DNAH14: variants seen among roughly 807,000 people sequenced by gnomAD.
DNAH14 encodes the protein axonemal beta dynein heavy chain 14.
Under a neutral mutation model 520.9 loss-of-function variants are expected in DNAH14, and 478 were observed. The ratio of observed to expected loss-of-function variants is 0.92; its 90% CI spans 0.85 to 0.99. DNAH14 has a LOEUF of 0.99. Ranked by LOEUF, DNAH14 falls within the 50% of genes least tolerant of loss-of-function variation. DNAH14 has a pLI of 0.00. For missense variants in DNAH14, 4,831 were observed against 5,234.5 expected (o/e 0.92, Z 2.38); for synonymous variants, 1,581 against 1,757.2 (o/e 0.90, Z 2.51).
At chr1:225,140,217 C>A (rs1039441937) in intron 27 of DNAH14, among the ~76,000 whole-genome samples, 3 of 152,068 alleles carry the variant, frequency 2.0e-5, no homozygotes, top group African/African-American at 7.2e-5. Context: ...CACAATTTAC[C>A]CAATGTAAAG....
intron 73 of DNAH14, chr1:225,357,844 T>C (rs1358963997): frequency 1.4e-6 from 1 of 701,956 alleles, no homozygotes; most frequent in Non-Finnish European, 2.6e-6. Context: ...GGACATATTT[T>C]ATGGTCATTG....
chr1:225,010,776 T>C (rs2064653565), intron 10 of DNAH14, among the ~76,000 whole-genome samples: 1 of 152,190 alleles, frequency 6.6e-6, no homozygotes, highest in African/African-American at 2.4e-5. Context: ...TTTCAGAACT[T>C]GTTATTGGTC....
chr1:225,014,292 C>T (rs1388739225), intron 10 of DNAH14, among the ~76,000 whole-genome samples: 1 of 152,156 alleles, frequency 6.6e-6, no homozygotes, highest in Non-Finnish European at 1.5e-5. Flanking sequence ...CACCCACTGT[C>T]TAACCAGTCC....
At chr1:225,162,162 TC>T (rs1176798042) in intron 35 of DNAH14, among the ~76,000 whole-genome samples, 10 of 152,210 alleles carry the variant, frequency 6.6e-5, no homozygotes, top group Non-Finnish European at 1.5e-5. Flanking sequence ...AAGCCTTTAA[TC>T]CATTTTTATT....
chr1:225,355,959 C>T (rs542351885), intron 73 of DNAH14, among the ~76,000 whole-genome samples: 2 of 152,288 alleles, frequency 1.3e-5, no homozygotes, highest in African/African-American at 2.4e-5. Flanking sequence ...TCCCATCATG[C>T]TTATGTCTGG....
intron 27 of DNAH14, among the ~76,000 whole-genome samples, chr1:225,128,965 A>C (rs948964200): frequency 6.6e-6 from 1 of 152,014 alleles, no homozygotes; most frequent in Admixed American, 6.5e-5. Context: ...CAACTTCAGC[A>C]AAGTCTCAGG....
In DNAH14 at chr1:225,270,879, G is replaced by A. The variant is rs1184246152; in HGVS notation, c.7671+13G>A. On this transcript the variant is annotated intron_variant, in intron 50 of 85. Transcript: ENST00000682510. ...TACTATTTTCCAGGTAACACATCTA[G>A]TTCATTTTCTACTGAAAAAAATTAA... 2 of 1,545,246 alleles carry A rather than the reference G, an allele frequency of 1.3e-6. No homozygotes were observed. Among genetic ancestry groups the A allele is most frequent in the Admixed American group, 2.0e-5 (1 of 50,408 alleles).
In DNAH14 at chr1:225,270,922, A is replaced by G. The variant is rs138354789; in HGVS notation, c.7671+56A>G. On this transcript the variant is annotated intron_variant, in intron 50 of 85. Transcript: ENST00000682510. ...AAAATTAATTCCCTAGAATAAGGAA[A>G]AATACGAGAACTTAAATCCACTAAT... 8.3e-4 allele frequency: 1,229 copies of G among 1,479,828 alleles called. 9 individuals are homozygous for G. In the African/African-American group the frequency reaches 0.016, roughly 19 times the overall value. The allele number at this position is 1,479,828 out of a possible 1,614,324, so 91.7% of individuals were successfully genotyped here. A position where few individuals can be genotyped will look rare whatever the true frequency, so the allele number is the denominator to read the frequency against.
At chr1:225,068,786 C>G (rs2071211961) in intron 17 of DNAH14, among the ~76,000 whole-genome samples, 1 of 152,058 alleles carries the variant, frequency 6.6e-6, no homozygotes, top group Non-Finnish European at 1.5e-5. Flanking sequence ...GTTATTTTTG[C>G]ACGTTGATTT....
chr1:225,161,911 A>G (rs1195371040), intron 35 of DNAH14, among the ~76,000 whole-genome samples: 2 of 152,164 alleles, frequency 1.3e-5, no homozygotes, highest in South Asian at 2.1e-4. Flanking sequence ...TACTAATTCC[A>G]TGTCAGATGG....
intron 66 of DNAH14, among the ~76,000 whole-genome samples, chr1:225,335,444 TATGCACATATGCAC>T (rs2094946708): frequency 8.0e-6 from 1 of 124,252 alleles, no homozygotes; most frequent in African/African-American, 3.2e-5. Flanking sequence ...CATGTGTGTG[TATGCACATATGCAC>T]GTGTGTACAT....
At chr1:225,148,759 C>T (rs1343425171) in intron 31 of DNAH14, among the ~76,000 whole-genome samples, 1 of 151,974 alleles carries the variant, frequency 6.6e-6, no homozygotes, top group African/African-American at 2.4e-5. Context: ...AAAAGTGTCC[C>T]TTCATGTCCT....
In DNAH14 at chr1:225,123,611, T is replaced by A. The variant is rs779182295; in HGVS notation, c.4251T>A (p.Thr1417=). ...VLSHPGQVVL[T]VSQIMFYNDC... ...CTCATCCAGGACAAGTGGTACTTAC[T>A]GTGGTAAGTTAATGCTGCTTTGATG... Residue 1417 remains threonine, a synonymous_variant, in exon 27 of 86, where the codon ACT becomes ACA. Transcript: ENST00000682510. 1 of 415,964 alleles carries A rather than the reference T, an allele frequency of 2.4e-6. No individual in the cohort carries two copies. The highest frequency in any genetic ancestry group is 2.0e-5 in the South Asian group (1 of 50,850). The allele number at this position is 415,964 out of a possible 1,614,324, so 25.8% of individuals were successfully genotyped here.
intron 35 of DNAH14, among the ~76,000 whole-genome samples, chr1:225,162,200 G>A (rs1413174098): frequency 1.3e-5 from 2 of 152,098 alleles, no homozygotes; most frequent in Non-Finnish European, 2.9e-5. Context: ...CAAGAGATAG[G>A]GGTCTAGTTT....
At chr1:224,946,986 C>T (rs900458628) in intron 1 of DNAH14, among the ~76,000 whole-genome samples, 10 of 147,322 alleles carry the variant, frequency 6.8e-5, no homozygotes, top group Non-Finnish European at 1.2e-4. Flanking sequence ...GGCCTGATCT[C>T]GGCTCACTGC....
In DNAH14 at chr1:225,123,508, T is replaced by C; in HGVS notation, c.4167-19T>C. On this transcript the variant is annotated intron_variant, in intron 26 of 85. Transcript: ENST00000682510. ...AATGATTAAGTATAAATAACATAAA[T>C]AAATTTTTTAATTTGTAGATTTTTA... 2.4e-6 allele frequency: 1 copy of C among 409,678 alleles called. No individual in the cohort carries two copies. Among genetic ancestry groups the C allele is most frequent in the Non-Finnish European group, 5.1e-6 (1 of 197,532 alleles). The allele number at this position is 409,678 out of a possible 1,614,324, so 25.4% of individuals were successfully genotyped here. A position where few individuals can be genotyped will look rare whatever the true frequency, so the allele number is the denominator to read the frequency against.
At chr1:225,226,308 C>T (rs2090527345) in intron 41 of DNAH14, among the ~76,000 whole-genome samples, 1 of 152,190 alleles carries the variant, frequency 6.6e-6, no homozygotes. Context: ...TATCGCTCCA[C>T]TATCCTCCCG....
chr1:225,321,199 A>C (rs1304878022), intron 61 of DNAH14, among the ~76,000 whole-genome samples: 3 of 152,196 alleles, frequency 2.0e-5, no homozygotes, highest in Admixed American at 2.0e-4. Flanking sequence ...TTAGACTGTT[A>C]ATGAGACTAA....
At chr1:225,137,352 CTGTTT>C (rs777767346) in intron 27 of DNAH14, among the ~76,000 whole-genome samples, 57 of 151,482 alleles carry the variant, frequency 3.8e-4, no homozygotes, top group Admixed American at 2.5e-3. Context: ...TTGTTGTTTT[CTGTTT>C]TGTTTTGTTT....
Sources: gnomAD v4.1 joint callset for allele counts (sites outside exome capture counted in the v4.1 genomes callset) on GRCh38, gnomAD v4.1.1 for gene constraint, MANE v1.5 for transcripts, NCBI Gene and HGNC (gene_info 2026-07-23, HGNC 2026-07-21) for gene names.